FAM151A: variants seen among roughly 807,000 people sequenced by gnomAD.
FAM151A encodes the protein family with sequence similarity 151 member A.
In FAM151A, 41 loss-of-function variants were observed where a neutral mutation model predicts 40.4. The ratio of observed to expected loss-of-function variants is 1.01; its 90% CI spans 0.79 to 1.32. The LOEUF is 1.32. FAM151A is among the 40% of genes most tolerant of loss of function. The pLI is 0.00. For synonymous variants in FAM151A, 337 were observed against 312.5 expected, an observed-to-expected ratio of 1.08 and a Z score of -0.83; for missense variants, 740 against 740.4, an observed-to-expected ratio of 1.00 and a Z score of 0.01.
rs774725084 is a variant in FAM151A at position 54,609,596 on chromosome 1, G to A, written c.1430C>T (p.Ala477Val). 1.9e-6 allele frequency: 3 copies of A among 1,613,276 alleles called. No homozygotes were observed. Among genetic ancestry groups the A allele is most frequent in the East Asian group, 2.2e-5 (1 of 44,878 alleles). The change falls in exon 8 of 8, where the codon GCA (alanine) becomes GTA (valine). Residue 477 changes from alanine to valine, a missense_variant. Coordinates refer to ENST00000302250, the MANE Select transcript of FAM151A (RefSeq NM_176782.3). ...CAGCACCTCCTCAGGCCAGCCTGGTGCCACAGTCACGTGGGGGAAGACCTC... is the reference window on the plus strand; with the variant it reads ...CAGCACCTCCTCAGGCCAGCCTGGTACCACAGTCACGTGGGGGAAGACCTC... The part of the protein sequence containing the change: ...VAEVFPHVTV[A>V]PGWPEEVLGS...
rs773059457 is a variant in FAM151A, at chr1:54,609,782, A to G, written c.1244T>C (p.Ile415Thr). 3.1e-6 allele frequency: 5 copies of G among 1,613,986 alleles called. No individual in the cohort carries two copies. The highest frequency in any genetic ancestry group is 1.3e-5 in the African/African-American group (1 of 75,036). The change falls in exon 8 of 8, where the codon ATA (isoleucine) becomes ACA (threonine). Residue 415 changes from isoleucine to threonine, a missense_variant. Physicochemically the swap from Ile to Thr is moderately conservative, Grantham distance 89 (BLOSUM62 -1). Coordinates refer to ENST00000302250, the MANE Select transcript of FAM151A (RefSeq NM_176782.3). ...TGGCCGGAGGGCTGCGGGCTCCGCT[A>G]TTTGCAAATGGATGCCCCAGTGTCC... ...HPGHWGIHLQ[I>T]AEPAALRPSL... is the part of the protein sequence containing the mutation.
In FAM151A at chr1:54,623,445, T is replaced by C; in HGVS notation, c.-50A>G. 1 of 1,378,762 alleles carries C rather than the reference T, an allele frequency of 7.3e-7. No individual in the cohort carries two copies. The highest frequency in any genetic ancestry group is 1.0e-6 in the Non-Finnish European group (1 of 973,300). 85.4% of individuals were successfully genotyped at this position (1,378,762 alleles called of 1,614,324 possible). A position where few individuals can be genotyped will look rare whatever the true frequency, so the allele number is the denominator to read the frequency against. ...CCAACTCCGTGCGGCCCAGAGTCCCTGAGGCTCCCTGCAGCTGGAATCCTG... is the reference window on the plus strand; with the variant it reads ...CCAACTCCGTGCGGCCCAGAGTCCCCGAGGCTCCCTGCAGCTGGAATCCTG... On this transcript the variant is annotated 5_prime_UTR_variant, in exon 1 of 8. Coordinates refer to ENST00000302250, the MANE Select transcript of FAM151A (RefSeq NM_176782.3).
At position 54,614,802 on chromosome 1, in the gene FAM151A, C is replaced by T. The variant is rs150113940; in HGVS notation, c.473G>A (p.Arg158Gln). The T allele has an allele frequency of 3.4e-3, 5,511 of 1,614,056 alleles. 18 individuals carry two copies. Among genetic ancestry groups the T allele is most frequent in the Non-Finnish European group, 3.7e-3 (4,344 of 1,180,000 alleles). ...GACTTTGCCTTCCTCTGTCAGCTGC[C>T]GCAGGAGGTCCAGGGAGGGGCCCAC... is the stretch of plus-strand genomic sequence containing the variant. ...KAVGPSLDLL[R>Q]QLTEEGKVRR... Residue 158 changes from arginine (R) to glutamine (Q), a missense_variant, in exon 4 of 8, where the codon CGG becomes CAG. Coordinates refer to ENST00000302250, the MANE Select transcript of FAM151A (RefSeq NM_176782.3).
chr1:54,616,204 T>G (rs747740556), intron 2 of FAM151A, 32 bp from the exon 3 acceptor site: 1 of 1,556,888 alleles, frequency 6.4e-7, no homozygotes, highest in African/African-American at 1.4e-5. Flanking sequence ...AGTGAGTTCC[T>G]TTTTTTAAAA....
At chr1:54,614,661 A>T (rs1362273994) in intron 4 of FAM151A, 39 bp downstream of exon 4, 2 of 1,576,238 alleles carry the variant, frequency 1.3e-6, no homozygotes, top group Admixed American at 3.5e-5. Context: ...TTGACAGAAG[A>T]GGGCTGGACA....
At chr1:54,615,448 C>G (rs930322156) in intron 3 of FAM151A, among the ~76,000 whole-genome samples, 1 of 151,998 alleles carries the variant, frequency 6.6e-6, no homozygotes, top group Middle Eastern at 3.2e-3. Flanking sequence ...TGAAAAGATC[C>G]TTCAGGTGCG....
At chr1:54,611,403 AAAAT>A (rs1238350509) in intron 6 of FAM151A, among the ~76,000 whole-genome samples, 199 bp downstream of exon 6, 6 of 152,280 alleles carry the variant, frequency 3.9e-5, no homozygotes, top group South Asian at 2.1e-4. Context: ...ACATCTCAAA[AAAAT>A]AAATAAATAA....
In FAM151A at chr1:54,609,840, C is replaced by T; in HGVS notation, c.1186G>A (p.Glu396Lys). 6.2e-7 allele frequency: 1 copy of T among 1,614,118 alleles called. No individual in the cohort carries two copies. Among genetic ancestry groups the T allele is most frequent in the Non-Finnish European group, 8.5e-7 (1 of 1,180,030 alleles). Reference protein sequence around the residue: ...HTPSGNILTLESCLQQLATHP... With the variant: ...HTPSGNILTLKSCLQQLATHP... ...GTGGCCAGCTGCTGCAGGCAGGACT[C>T]CAGCGTCAGGATGTTGCCACTTGGA... The change falls in exon 8 of 8, where the codon GAG becomes AAG. Residue 396 changes from glutamate to lysine, a missense_variant. By Grantham distance (56) the Glu-to-Lys change is moderately conservative. Transcript: ENST00000302250.
intron 1 of FAM151A, among the ~76,000 whole-genome samples, chr1:54,622,863 G>T (rs945202794): frequency 1.3e-5 from 2 of 151,916 alleles, no homozygotes; most frequent in African/African-American, 4.8e-5. Flanking sequence ...ATGAGGCTTG[G>T]TGGGGACGAG....
intron 2 of FAM151A, among the ~76,000 whole-genome samples, chr1:54,616,844 T>C (rs183333026): frequency 8.5e-5 from 13 of 152,332 alleles, no homozygotes; most frequent in Admixed American, 6.5e-4. Flanking sequence ...TACTATGTAG[T>C]TGATCATCCC....
intron 1 of FAM151A, 73 bp downstream of exon 1, chr1:54,623,205 G>A (rs888486497): frequency 2.0e-6 from 2 of 982,148 alleles, no homozygotes; most frequent in Admixed American, 3.7e-5. Context: ...GGTCAGAGCT[G>A]TAAGTGAGAA....
rs374920979 is a variant in FAM151A, at chr1:54,612,531, C to T, written c.755G>A (p.Arg252Gln). The stretch of plus-strand genomic sequence containing the variant: ...CCAGCTGAAGTGGGGCCAGGCAGCC[C>T]GCACCATGGAAGACCGTACAGGGAA... The part of the protein sequence containing the change: ...VTFPVRSSMV[R>Q]AAWPHFSWLL... The change falls in exon 5 of 8, where the codon CGG becomes CAG. Residue 252 changes from arginine (R) to glutamine (Q), a missense_variant. Coordinates refer to ENST00000302250, the MANE Select transcript of FAM151A (RefSeq NM_176782.3). The T allele has an allele frequency of 1.4e-5, 23 of 1,613,996 alleles. No homozygotes were observed. Among genetic ancestry groups the T allele is most frequent in the South Asian group, 7.7e-5 (7 of 91,074 alleles).
chr1:54,620,845 CAAAAAAAAAAAAAA>C (rs767625864), intron 1 of FAM151A, among the ~76,000 whole-genome samples: 16 of 12,132 alleles, frequency 1.3e-3, no homozygotes, highest in Admixed American at 4.4e-3. Context: ...GAGACTCTGT[CAAAAAAAAAAAAAA>C]AAAAAAAAAA....
At chr1:54,621,860 T>G (rs1054475719) in intron 1 of FAM151A, 3 of 152,320 alleles carry the variant, frequency 2.0e-5, no homozygotes, top group African/African-American at 7.2e-5. Flanking sequence ...GGGGAAGAGA[T>G]GAGCTCAGCC....
Position 54,609,265 on chromosome 1 carries a change from T to C in FAM151A, c.*3A>G, listed in dbSNP as rs761772812. On this transcript the variant is annotated 3_prime_UTR_variant, in exon 8 of 8. Transcript: ENST00000302250. ...GGTCCGCTGGCCCACCACCCCTGGG[T>C]GCTCAGTTTCTACCAACATGAGCCA... The C allele has an allele frequency of 3.1e-6, 5 of 1,600,948 alleles. No homozygotes were observed. The East Asian group carries it at 6.7e-5, about 22-fold the overall frequency.
chr1:54,620,196 C>T (rs1269776527), intron 1 of FAM151A, among the ~76,000 whole-genome samples, 189 bp from the exon 2 acceptor site: 1 of 152,182 alleles, frequency 6.6e-6, no homozygotes. Context: ...CCCAAGGAAG[C>T]CTCATTACCA....
chr1:54,622,203 G>A (rs1009238643), intron 1 of FAM151A, among the ~76,000 whole-genome samples: 1 of 151,380 alleles, frequency 6.6e-6, no homozygotes, highest in Non-Finnish European at 1.5e-5. Flanking sequence ...TTGAGCCCAG[G>A]GGGTGGAGGT....
rs80177039 is a variant in FAM151A, at chr1:54,622,808, T to C, written c.118+470A>G. ...GGACTTTCTGCTGGGGATGAAGTCA[T>C]GTAGGGTTGGGGGATGGAAGAGAGA... is the stretch of plus-strand genomic sequence containing the variant. On this transcript the variant is annotated intron_variant, in intron 1 of 7. Transcript: ENST00000302250. Among the ~76,000 whole-genome samples the C allele has an allele frequency of 5.2e-3, 774 of 148,922 alleles. 7 individuals carry two copies. Among genetic ancestry groups the C allele is most frequent in the African/African-American group, 0.018 (725 of 40,288 alleles).
rs566231145 is a variant in FAM151A, at chr1:54,609,747, A to G, written c.1279T>C (p.Leu427=). Residue 427 remains leucine (L), a synonymous_variant, in exon 8 of 8, where the codon TTG becomes CTG. Coordinates refer to ENST00000302250, the MANE Select transcript of FAM151A (RefSeq NM_176782.3). The part of the protein sequence containing the change: ...EPAALRPSLA[L]LARLSSLGLL... The stretch of plus-strand genomic sequence containing the variant: ...CCAAGGCTGGAGAGGCGTGCCAGCA[A>G]GGCCAGGGATGGCCGGAGGGCTGCG... 2.0e-5 allele frequency: 33 copies of G among 1,614,164 alleles called. No homozygotes were observed. The highest frequency in any genetic ancestry group is 6.7e-5 in the African/African-American group (5 of 75,084).
Sources: gnomAD v4.1 joint callset for allele counts (sites outside exome capture counted in the v4.1 genomes callset) on GRCh38, gnomAD v4.1.1 for gene constraint, MANE v1.5 for transcripts, NCBI Gene and HGNC (gene_info 2026-07-23, HGNC 2026-07-21) for gene names.